Variants in RFC4 observed in about 807,000 individuals in gnomAD.
RFC4 encodes replication factor C subunit 4, also known as A1 37 kDa subunit.
RFC4 carries 38 observed loss-of-function variants against 47.6 expected under a neutral mutation model. That is an observed-to-expected ratio of 0.80 (90% CI 0.62 to 1.05). The LOEUF (loss-of-function observed/expected upper bound fraction) is 1.05. Among genes scored for constraint, RFC4 ranks in the 50% least tolerant of loss-of-function variants. The pLI is 0.00. For missense variants in RFC4, 489 were observed against 434.0 expected (o/e 1.13, Z -1.13); for synonymous variants, 164 against 150.0 (o/e 1.09, Z -0.68).
intron 8 of RFC4, 142 bp downstream of exon 8, chr3:186,791,582 TC>T: frequency 1.3e-6 from 1 of 768,494 alleles, no homozygotes; most frequent in South Asian, 1.4e-5. Context: ...CCTCAAACAC[TC>T]TGATACTCCC....
chr3:186,803,475 C>T (rs1722403620), intron 2 of RFC4, among the ~76,000 whole-genome samples: 1 of 152,054 alleles, frequency 6.6e-6, no homozygotes, highest in African/African-American at 2.4e-5. Context: ...GTTACAATTA[C>T]TTGTGGTAAT....
At chr3:186,797,423 G>C in intron 4 of RFC4, 112 bp downstream of exon 4, 2 of 700,602 alleles carry the variant, frequency 2.9e-6, no homozygotes, top group Non-Finnish European at 4.9e-6. Flanking sequence ...ATCAGAAATA[G>C]AAAACTATCC....
At position 186,790,331 on chromosome 3, in the gene RFC4, C is replaced by CTGTGGT. The variant is rs1722066303; in HGVS notation, c.876_877insACCACA (p.Val292_Val293insThrThr). 1 of 1,613,458 alleles carries CTGTGGT rather than the reference C, an allele frequency of 6.2e-7. No individual in the cohort carries two copies. The highest frequency in any genetic ancestry group is 1.3e-5 in the African/African-American group (1 of 74,912). Reference sequence around the variant, plus strand: ...AGTTAGTAAGCTGACTTTACCTTGACCACAGCTTCTAGTTTGTCAAAAGAG... The same window carrying CTGTGGT: ...AGTTAGTAAGCTGACTTTACCTTGACTGTGGTCACAGCTTCTAGTTTGTCAAAAGAG... On this transcript the variant is annotated inframe_insertion, in exon 9 of 11. Transcript: ENST00000296273.
intron 7 of RFC4, 24 bp downstream of exon 7, chr3:186,792,466 A>C (rs557712685): frequency 6.3e-7 from 1 of 1,594,602 alleles, no homozygotes; most frequent in South Asian, 1.1e-5. Flanking sequence ...AGTAACTCTA[A>C]TAATTGTAAT....
chr3:186,794,155 C>A (rs967601824), intron 5 of RFC4, among the ~76,000 whole-genome samples: 1 of 152,204 alleles, frequency 6.6e-6, no homozygotes, highest in Non-Finnish European at 1.5e-5. Context: ...TTATTACCTT[C>A]TGTACATTGA....
intron 3 of RFC4, among the ~76,000 whole-genome samples, chr3:186,799,512 C>G (rs1007101233): frequency 6.6e-6 from 1 of 152,012 alleles, no homozygotes; most frequent in Admixed American, 6.6e-5. Flanking sequence ...GTGGCCAAAG[C>G]GGGCAGGTCA....
chr3:186,804,484 C>G, intron 2 of RFC4, 99 bp downstream of exon 2: 1 of 1,217,052 alleles, frequency 8.2e-7, no homozygotes, highest in Non-Finnish European at 1.1e-6. Flanking sequence ...CTAAACAGAA[C>G]AAAGCATTCC....
chr3:186,791,873 T>TA, intron 7 of RFC4, 23 bp from the exon 8 acceptor site: 1 of 1,594,122 alleles, frequency 6.3e-7, no homozygotes, highest in South Asian at 1.1e-5. Flanking sequence ...GAGTTGTTTT[T>TA]AACCTATGAT....
At chr3:186,800,208 C>T (rs1325113039) in intron 3 of RFC4, among the ~76,000 whole-genome samples, 2 of 152,166 alleles carry the variant, frequency 1.3e-5, no homozygotes, top group South Asian at 2.1e-4. Context: ...CTTCCCATCT[C>T]AGCCTCCCGA....
intron 4 of RFC4, 46 bp downstream of exon 4, chr3:186,797,489 G>T: frequency 1.6e-6 from 2 of 1,216,318 alleles, no homozygotes; most frequent in Non-Finnish European, 2.4e-6. Flanking sequence ...AGAGAATTTT[G>T]GTGTCAAATC....
intron 4 of RFC4, among the ~76,000 whole-genome samples, chr3:186,795,237 C>T (rs1019508907): frequency 1.2e-4 from 19 of 152,200 alleles, no homozygotes; most frequent in African/African-American, 4.6e-4. Context: ...GTGATCCTTC[C>T]ACCTTGGCCT....
intron 2 of RFC4, among the ~76,000 whole-genome samples, chr3:186,801,937 C>T (rs1025624109): frequency 8.8e-5 from 13 of 148,376 alleles, no homozygotes; most frequent in South Asian, 2.1e-4. Flanking sequence ...GAAGGAGAAG[C>T]GCTTGAACCC....
In RFC4 at chr3:186,790,078, TTA is replaced by T. The variant is rs1560088829; in HGVS notation, c.997-16_997-15del. ...TTTGTCAACTTCCTACGAGAAAAATTTAAGAAATTAGCATCCTTCAGGTAGTT... is the reference window on the plus strand; with the variant it reads ...TTTGTCAACTTCCTACGAGAAAAATTAGAAATTAGCATCCTTCAGGTAGTT... On this transcript the variant is annotated splice_polypyrimidine_tract_variant and intron_variant, in intron 10 of 10. Coordinates refer to ENST00000296273, the MANE Select transcript of RFC4 (RefSeq NM_002916.5). 8 of 1,611,318 alleles carry T rather than the reference TTA, an allele frequency of 5.0e-6. No individual in the cohort carries two copies. Among genetic ancestry groups the T allele is most frequent in the Non-Finnish European group, 5.9e-6 (7 of 1,177,598 alleles).
rs761708733 is a variant in RFC4 at position 186,804,582 on chromosome 3, C to T, written c.131+1G>A. On this transcript the variant is annotated splice_donor_variant, in intron 2 of 10. Coordinates refer to ENST00000296273, the MANE Select transcript of RFC4 (RefSeq NM_002916.5). LOFTEE classifies it high-confidence loss of function. ...TTTAACAAAGACACAAGTGTTCTTA[C>T]TATTTTTCCACCCAGGGAACGGGTT... The T allele has an allele frequency of 1.9e-6, 3 of 1,613,398 alleles. No homozygotes were observed. The highest frequency in any genetic ancestry group is 2.5e-6 in the Non-Finnish European group (3 of 1,179,692).
chr3:186,800,478 C>T (rs1218344767), intron 3 of RFC4, among the ~76,000 whole-genome samples: 1 of 152,212 alleles, frequency 6.6e-6, no homozygotes, highest in Non-Finnish European at 1.5e-5. Context: ...CCACATCCCA[C>T]TTCAGCACTT....
chr3:186,804,279 A>G (rs1168342684), intron 2 of RFC4, among the ~76,000 whole-genome samples: 1 of 152,188 alleles, frequency 6.6e-6, no homozygotes, highest in Non-Finnish European at 1.5e-5. Context: ...CTCCTGACCT[A>G]GTATTTATAG....
At chr3:186,799,689 C>T (rs1037322506) in intron 3 of RFC4, among the ~76,000 whole-genome samples, 1 of 151,192 alleles carries the variant, frequency 6.6e-6, no homozygotes, top group Non-Finnish European at 1.5e-5. Context: ...CTCCAGCCTG[C>T]GTGACAGAGC....
Position 186,801,101 on chromosome 3 carries a change from A to C in RFC4, c.210+16T>G. 1 of 1,586,398 alleles carries C rather than the reference A, an allele frequency of 6.3e-7. No homozygotes were observed. The highest frequency in any genetic ancestry group is 8.7e-7 in the Non-Finnish European group (1 of 1,154,712). The stretch of plus-strand genomic sequence containing the variant: ...CTTAAATATCCCAATGACATTAAAC[A>C]CCATTTGCAACTCACATCTGCTCCT... On this transcript the variant is annotated intron_variant, in intron 3 of 10. Transcript: ENST00000296273.
At chr3:186,803,670 A>ATT (rs766384165) in intron 2 of RFC4, among the ~76,000 whole-genome samples, 10 of 134,392 alleles carry the variant, frequency 7.4e-5, no homozygotes, top group Admixed American at 1.5e-4. Flanking sequence ...TGCCTGGCTA[A>ATT]TTTTTTTTTT....
Sources: gnomAD v4.1 joint callset for allele counts (sites outside exome capture counted in the v4.1 genomes callset) on GRCh38, gnomAD v4.1.1 for gene constraint, MANE v1.5 for transcripts, NCBI Gene and HGNC (gene_info 2026-07-23, HGNC 2026-07-21) for gene names.